The following IL37 variants were observed in gnomAD, a reference collection of about 807,000 sequenced individuals.
IL37 encodes the protein interleukin 37, also known as interleukin-37.
IL37 carries 15 observed loss-of-function variants against 15.4 expected under a neutral mutation model. The observed-to-expected ratio is 0.98, with a 90% CI of 0.65 to 1.50. IL37 has a LOEUF of 1.50. IL37 is among the 40% of genes most tolerant of loss of function. The probability of loss-of-function intolerance (pLI) is 0.00; values close to 1 mark genes in which losing one functional copy is unlikely to be tolerated. For synonymous variants in IL37, 98 were observed against 97.4 expected (o/e 1.01, Z -0.03); for missense variants, 269 against 261.7 (o/e 1.03, Z -0.19).
At chr2:112,915,314 C>T (rs887735829) in intron 3 of IL37, 1 of 1,430,314 alleles carries the variant, frequency 7.0e-7, no homozygotes, top group African/African-American at 1.4e-5. Flanking sequence ...GAGCATTTTC[C>T]AGTCTCACCC....
chr2:112,915,475 C>T (rs1260334746), intron 3 of IL37, among the ~76,000 whole-genome samples: 2 of 152,174 alleles, frequency 1.3e-5, no homozygotes, highest in African/African-American at 2.4e-5. Flanking sequence ...ACCAGCAGCA[C>T]CCACAGCTCT....
chr2:112,917,378 C>T, intron 4 of IL37, 130 bp downstream of exon 4: 3 of 1,098,596 alleles, frequency 2.7e-6, no homozygotes, highest in Non-Finnish European at 4.0e-6. Context: ...AGGAGAGGCC[C>T]CAGGGACTAG....
intron 3 of IL37, among the ~76,000 whole-genome samples, chr2:112,916,698 G>A (rs1210268535): frequency 6.6e-6 from 1 of 152,204 alleles, no homozygotes; most frequent in Non-Finnish European, 1.5e-5. Context: ...AGAGAGTTAA[G>A]AAAAACAATG....
At position 112,911,192 on chromosome 2, in the gene IL37, A is replaced by C. The variant is rs1161057223; in HGVS notation, c.-107A>C. Reference sequence around the variant, plus strand: ...GTAAAGGATCCTGAGAACTGAAGGCAAACAGAGCTCCAGGAGTCCAAGACA... The same window carrying C: ...GTAAAGGATCCTGAGAACTGAAGGCCAACAGAGCTCCAGGAGTCCAAGACA... On this transcript the variant is annotated 5_prime_UTR_variant, in exon 1 of 6. Transcript: ENST00000263326. 6.6e-6 allele frequency among the ~76,000 whole-genome samples: 1 copy of C among 152,226 alleles called. No individual in the cohort carries two copies. Among genetic ancestry groups the C allele is most frequent in the East Asian group, 1.9e-4 (1 of 5,202 alleles).
Position 112,913,855 on chromosome 2 carries a change from G to A in IL37, c.145+1G>A. On this transcript the variant is annotated splice_donor_variant, in intron 3 of 5. Transcript: ENST00000263326. LOFTEE classifies it high-confidence loss of function. ...CCCACCATGAATTTTGTTCACACAA[G>A]TAAGGCCTCGGGGTGAGGTGATGGG... is the stretch of plus-strand genomic sequence containing the variant. The A allele has an allele frequency of 1.2e-6, 2 of 1,613,126 alleles. No homozygotes were observed. Among genetic ancestry groups the A allele is most frequent in the Non-Finnish European group, 8.5e-7 (1 of 1,179,118 alleles).
intron 4 of IL37, 26 bp from the exon 5 acceptor site, chr2:112,917,609 C>G (rs929533525): frequency 1.3e-6 from 2 of 1,543,440 alleles, no homozygotes; most frequent in Non-Finnish European, 1.7e-6. Context: ...TCAGAACCCA[C>G]ACATGTTCTG....
At chr2:112,917,277 G>C (rs377643684) in intron 4 of IL37, 29 bp downstream of exon 4, 18 of 1,612,318 alleles carry the variant, frequency 1.1e-5, no homozygotes, top group Non-Finnish European at 1.4e-5. Flanking sequence ...TGTGTTTTCT[G>C]CCTCCACCTA....
intron 2 of IL37, among the ~76,000 whole-genome samples, 182 bp from the exon 3 acceptor site, chr2:112,913,609 TG>T (rs1683230345): frequency 6.6e-6 from 1 of 152,228 alleles, no homozygotes; most frequent in Admixed American, 6.5e-5. Flanking sequence ...GCCAAACCCG[TG>T]ATCCAGTTCA....
chr2:112,912,045 A>G (rs377718939), intron 1 of IL37, among the ~76,000 whole-genome samples: 2 of 152,092 alleles, frequency 1.3e-5, no homozygotes, highest in East Asian at 3.9e-4. Context: ...TGTCATTTTT[A>G]TTTTTTGCAT....
At chr2:112,916,209 T>C (rs1478538269) in intron 3 of IL37, among the ~76,000 whole-genome samples, 1 of 152,242 alleles carries the variant, frequency 6.6e-6, no homozygotes, top group African/African-American at 2.4e-5. Flanking sequence ...TGGTGGTTAC[T>C]GTGTTTTCAT....
intron 3 of IL37, among the ~76,000 whole-genome samples, chr2:112,914,790 G>A (rs181093398): frequency 6.6e-6 from 1 of 152,314 alleles, no homozygotes; most frequent in African/African-American, 2.4e-5. Context: ...AAATCTGGCG[G>A]AAGTGGTTCT....
chr2:112,911,591 T>G (rs2104972080), intron 1 of IL37, among the ~76,000 whole-genome samples: 2 of 152,278 alleles, frequency 1.3e-5, no homozygotes, highest in South Asian at 4.1e-4. Flanking sequence ...AGATTTTGAG[T>G]GCAAAGAGAT....
intron 3 of IL37, among the ~76,000 whole-genome samples, chr2:112,916,204 G>T (rs961342139): frequency 2.6e-5 from 4 of 152,200 alleles, no homozygotes; most frequent in African/African-American, 4.8e-5. Context: ...TAGTGTGGTG[G>T]TTACTGTGTT....
At chr2:112,913,680 C>T (rs1199517424) in intron 2 of IL37, 112 bp from the exon 3 acceptor site, 2 of 785,184 alleles carry the variant, frequency 2.5e-6, no homozygotes, top group East Asian at 2.5e-5. Context: ...TATCATGCTG[C>T]TCTAGTATTT....
chr2:112,917,359 G>A (rs1683339218), intron 4 of IL37, 111 bp downstream of exon 4: 2 of 1,298,830 alleles, frequency 1.5e-6, no homozygotes, highest in South Asian at 1.4e-5. Flanking sequence ...GCAGGTGGTG[G>A]AAGCGAGGAG....
chr2:112,914,285 A>G lies in IL37; in HGVS notation c.145+431A>G, dbSNP rs536607012. Among the ~76,000 whole-genome samples, 48 of 152,314 alleles carry G rather than the reference A, an allele frequency of 3.2e-4. 1 individual carries two copies. Among genetic ancestry groups the G allele is most frequent in the African/African-American group, 8.9e-4 (37 of 41,562 alleles). Reference sequence around the variant, plus strand: ...CCTCTCATGCTGCCATTTGAACACCACAACACCCTAATAGGAAACTGTTAA... The same window carrying G: ...CCTCTCATGCTGCCATTTGAACACCGCAACACCCTAATAGGAAACTGTTAA... On this transcript the variant is annotated intron_variant, in intron 3 of 5. Transcript: ENST00000263326.
intron 1 of IL37, among the ~76,000 whole-genome samples, 116 bp downstream of exon 1, chr2:112,911,364 C>G (rs1683174494): frequency 6.6e-6 from 1 of 152,194 alleles, no homozygotes; most frequent in Admixed American, 6.5e-5. Flanking sequence ...ATCTGAATTT[C>G]TAAATATGAT....
At position 112,917,671 on chromosome 2, in the gene IL37, C is replaced by A. The variant is rs763679784; in HGVS notation, c.302C>A (p.Ala101Asp). 1.8e-5 allele frequency: 29 copies of A among 1,608,550 alleles called. No individual in the cohort carries two copies. In the East Asian group the frequency reaches 3.6e-4, roughly 20 times the overall value. Reference protein sequence around the residue: ...FFALASSLSSASAEKGSPILL... With the variant: ...FFALASSLSSDSAEKGSPILL... ...GCATTAGCCTCATCCTTGAGCTCAG[C>A]CTCTGCGGAGAAAGGAAGTCCGATT... Residue 101 changes from alanine to aspartate, a missense_variant, in exon 5 of 6, where the codon GCC becomes GAC. By Grantham distance (126) the Ala-to-Asp change is moderately radical (BLOSUM62 -2). Coordinates refer to ENST00000263326, the MANE Select transcript of IL37 (RefSeq NM_014439.4).
At chr2:112,915,897 C>A (rs2723181) in intron 3 of IL37, among the ~76,000 whole-genome samples, 14,726 of 152,114 alleles carry the variant, frequency 0.097, 936 homozygotes, top group African/African-American at 0.17. Context: ...GGGCAGCGAG[C>A]CAAGGATGCC....
Sources: allele counts gnomAD v4.1 joint callset (sites outside exome capture counted in the v4.1 genomes callset), GRCh38; gene constraint gnomAD v4.1.1; transcripts MANE v1.5; gene names NCBI Gene and HGNC (gene_info 2026-07-23, HGNC 2026-07-21).